WWOX: variants seen among roughly 807,000 people sequenced by gnomAD.
WWOX encodes WW domain containing oxidoreductase.
Under a neutral mutation model 46.2 loss-of-function variants are expected in WWOX, and 69 were observed. The observed-to-expected ratio is 1.49, with a 90% CI of 1.23 to 1.82. The LOEUF (loss-of-function observed/expected upper bound fraction) is 1.82. WWOX is among the 40% of genes most tolerant of loss of function. WWOX has a pLI of 0.00. For synonymous variants in WWOX, 359 were observed against 202.6 expected, an observed-to-expected ratio of 1.77 and a Z score of -6.56; for missense variants, 919 against 542.6, an observed-to-expected ratio of 1.69 and a Z score of -6.89.
At chr16:79,150,237 A>G (rs7190400) in intron 8 of WWOX, among the ~76,000 whole-genome samples, 1 of 151,982 alleles carries the variant, frequency 6.6e-6, no homozygotes, top group Non-Finnish European at 1.5e-5. Context: ...GAACTGTCAA[A>G]GAGCAGCACT....
At chr16:79,002,753 C>T (rs55731711) in intron 8 of WWOX, among the ~76,000 whole-genome samples, 3,743 of 152,280 alleles carry the variant, frequency 0.025, 61 homozygotes, top group Middle Eastern at 0.044. Context: ...CACCCGGGTT[C>T]TCCCTGTCTA....
At chr16:78,537,318 A>G (rs1321469777) in intron 8 of WWOX, among the ~76,000 whole-genome samples, 2 of 152,170 alleles carry the variant, frequency 1.3e-5, no homozygotes, top group East Asian at 1.9e-4. Context: ...AAATAACCCA[A>G]TGATACATGA....
rs1044444133 is a variant in WWOX at position 78,660,927 on chromosome 16, C to T, written c.1056+228175C>T. 3.3e-5 allele frequency among the ~76,000 whole-genome samples: 5 copies of T among 152,324 alleles called. No homozygotes were observed. The East Asian group carries it at 7.7e-4, about 24-fold the overall frequency. ...GCACATGTAGCTCAACCTCCTAATA[C>T]TGCATGACGGATAATATGCCATCAC... On this transcript the variant is annotated intron_variant, in intron 8 of 8. Coordinates refer to ENST00000566780, the MANE Select transcript of WWOX (RefSeq NM_016373.4).
intron 8 of WWOX, among the ~76,000 whole-genome samples, chr16:79,164,394 T>C (rs1387878137): frequency 6.6e-6 from 1 of 152,180 alleles, no homozygotes; most frequent in Non-Finnish European, 1.5e-5. Context: ...AGAAGCCATT[T>C]TTTCCCCGAC....
intron 8 of WWOX, among the ~76,000 whole-genome samples, chr16:78,483,854 T>C (rs922710794): frequency 6.6e-6 from 1 of 152,206 alleles, no homozygotes; most frequent in Non-Finnish European, 1.5e-5. Context: ...AGCATCATGA[T>C]GCAAGCATTG....
At chr16:78,309,719 G>A (rs1338861802) in intron 5 of WWOX, among the ~76,000 whole-genome samples, 3 of 152,130 alleles carry the variant, frequency 2.0e-5, no homozygotes, top group East Asian at 1.9e-4. Flanking sequence ...ATCAACGTAC[G>A]TGACTACCCA....
At chr16:79,174,580 A>G (rs528218779) in intron 8 of WWOX, among the ~76,000 whole-genome samples, 1 of 152,344 alleles carries the variant, frequency 6.6e-6, no homozygotes. Flanking sequence ...CCTGGGAGAC[A>G]GAGGTTTCAG....
At chr16:78,656,946 C>G (rs1232148508) in intron 8 of WWOX, among the ~76,000 whole-genome samples, 1 of 152,202 alleles carries the variant, frequency 6.6e-6, no homozygotes, top group Non-Finnish European at 1.5e-5. Context: ...ATCATGGCGT[C>G]TGGTCCATGC....
intron 5 of WWOX, among the ~76,000 whole-genome samples, chr16:78,169,059 CATATTTAA>C: frequency 6.6e-6 from 1 of 152,256 alleles, no homozygotes; most frequent in Admixed American, 6.5e-5. Flanking sequence ...AGCCCCCATT[CATATTTAA>C]ATAAAGAAAA....
At chr16:78,702,100 TTATATA>T (rs72067397) in intron 8 of WWOX, among the ~76,000 whole-genome samples, 16 of 81,226 alleles carry the variant, frequency 2.0e-4, no homozygotes, top group African/African-American at 8.2e-4. Flanking sequence ...ATCTATAAAG[TTATATA>T]TATATATATA....
At chr16:78,277,902 G>A (rs4243150) in intron 5 of WWOX, among the ~76,000 whole-genome samples, 109,536 of 151,876 alleles carry the variant, frequency 0.72, 41,168 homozygotes, top group East Asian at 1. Flanking sequence ...TGCTAACACC[G>A]TGGAAATTTT....
intron 8 of WWOX, among the ~76,000 whole-genome samples, chr16:79,011,692 C>T (rs1056985553): frequency 8.6e-5 from 13 of 151,730 alleles, no homozygotes; most frequent in East Asian, 1.9e-4. Context: ...GAGTTTTTGC[C>T]GTGTTGCCGA....
chr16:79,038,517 C>T (rs1487312628), intron 8 of WWOX, among the ~76,000 whole-genome samples: 1 of 152,162 alleles, frequency 6.6e-6, no homozygotes, highest in Non-Finnish European at 1.5e-5. Context: ...TGATTTTTAA[C>T]AATATATTAT....
intron 8 of WWOX, among the ~76,000 whole-genome samples, chr16:79,128,274 C>G (rs1023549586): frequency 1.3e-5 from 2 of 152,008 alleles, no homozygotes; most frequent in African/African-American, 4.8e-5. Flanking sequence ...CCTATCACTT[C>G]CAATCCACGT....
intron 8 of WWOX, among the ~76,000 whole-genome samples, chr16:79,137,173 C>G (rs1429780707): frequency 6.6e-6 from 1 of 152,210 alleles, no homozygotes; most frequent in Non-Finnish European, 1.5e-5. Flanking sequence ...ACGTCCAGTG[C>G]TTCCCTGCTG....
intron 8 of WWOX, among the ~76,000 whole-genome samples, chr16:79,140,827 C>T (rs760797422): frequency 9.9e-5 from 15 of 152,146 alleles, no homozygotes; most frequent in South Asian, 2.1e-4. Flanking sequence ...TAGGGGGATC[C>T]GGAGAGTCTT....
chr16:78,210,115 A>C (rs909317883), intron 5 of WWOX, among the ~76,000 whole-genome samples: 13 of 152,292 alleles, frequency 8.5e-5, no homozygotes, highest in Non-Finnish European at 1.6e-4. Context: ...AGCTTCATCT[A>C]TTTTGTCATG....
At chr16:78,399,008 G>A (rs1371022571) in intron 6 of WWOX, among the ~76,000 whole-genome samples, 1 of 148,450 alleles carries the variant, frequency 6.7e-6, no homozygotes, top group Non-Finnish European at 1.5e-5. Context: ...AAGGGGATGA[G>A]TGGCTGGCTG....
At chr16:78,554,511 A>T (rs565353245) in intron 8 of WWOX, among the ~76,000 whole-genome samples, 38 of 152,322 alleles carry the variant, frequency 2.5e-4, no homozygotes, top group Non-Finnish European at 4.6e-4. Context: ...ATACACATAT[A>T]TGCACAGTAA....
Sources: allele counts gnomAD v4.1 joint callset (sites outside exome capture counted in the v4.1 genomes callset), GRCh38; gene constraint gnomAD v4.1.1; transcripts MANE v1.5; gene names NCBI Gene and HGNC (gene_info 2026-07-23, HGNC 2026-07-21).